Variants in GCGR observed in about 807,000 individuals in gnomAD.
GCGR encodes the protein glucagon receptor.
In GCGR, 41 loss-of-function variants were observed where a neutral mutation model predicts 56.1. The ratio of observed to expected loss-of-function variants is 0.73; its 90% CI spans 0.57 to 0.95. The LOEUF (loss-of-function observed/expected upper bound fraction) is 0.95. GCGR is among the 40% of genes least tolerant of loss of function. The probability of loss-of-function intolerance (pLI) is 0.00; values close to 1 mark genes in which losing one functional copy is unlikely to be tolerated. For synonymous variants in GCGR, 278 were observed against 271.1 expected (o/e 1.03, Z -0.25); for missense variants, 595 against 638.2 (o/e 0.93, Z 0.73).
chr17:81,813,363 G>A lies in GCGR; in HGVS notation c.1219-111G>A, dbSNP rs887603050. 9.3e-7 allele frequency: 1 copy of A among 1,079,544 alleles called. No homozygotes were observed. The highest frequency in any genetic ancestry group is 1.3e-6 in the Non-Finnish European group (1 of 754,614). 66.9% of individuals were successfully genotyped at this position (1,079,544 alleles called of 1,614,324 possible). Reference sequence around the variant, plus strand: ...CCCAGCAGGGAGCTTGTGTCGCTCTGCACCCCTCAGAGCGGAGACTGGGCA... The same window carrying A: ...CCCAGCAGGGAGCTTGTGTCGCTCTACACCCCTCAGAGCGGAGACTGGGCA... On this transcript the variant is annotated intron_variant, in intron 13 of 13. Transcript: ENST00000400723. This position sits in a 1 kb window ranked among gnomAD's most constrained non-coding sequence, Gnocchi z 5.3.
chr17:81,807,974 C>T lies in GCGR; in HGVS notation c.-177-868C>T, dbSNP rs925846345. Among the ~76,000 whole-genome samples the T allele has an allele frequency of 5.9e-5, 9 of 152,314 alleles. No homozygotes were observed. The South Asian group carries it at 1.5e-3, about 25-fold the overall frequency. On this transcript the variant is annotated intron_variant, in intron 1 of 13. Transcript: ENST00000400723. ...CCCTAGGCCAGCTCCTCCTCCAAGT[C>T]GACGCCCGCAGTGCTAACCTCAAAG... is the stretch of plus-strand genomic sequence containing the variant.
At position 81,804,514 on chromosome 17, in the gene GCGR, TG is replaced by T. The variant is rs1421633973; in HGVS notation, c.-178+270del. Among the ~76,000 whole-genome samples, 2 of 151,118 alleles carry T rather than the reference TG, an allele frequency of 1.3e-5. No homozygotes were observed. Among genetic ancestry groups the T allele is most frequent in the East Asian group, 3.9e-4 (2 of 5,098 alleles). On this transcript the variant is annotated intron_variant, in intron 1 of 13. Coordinates refer to ENST00000400723, the MANE Select transcript of GCGR (RefSeq NM_000160.5). This position sits in a 1 kb window ranked among gnomAD's most constrained non-coding sequence, Gnocchi z 8.2. ...GTTCTCTGGTCCTGGGGGGCGCGGC[TG>T]GGGGCGGGGGTGTCGCTGGCCGCCT...
rs1424969656 is a variant in GCGR, at chr17:81,809,743, CTGT to C, written c.61-38_61-36del. The C allele has an allele frequency of 3.6e-6, 5 of 1,381,632 alleles. No individual in the cohort carries two copies. The South Asian group carries it at 3.9e-5, about 11-fold the overall frequency. 85.6% of individuals were successfully genotyped at this position (1,381,632 alleles called of 1,614,324 possible). ...TCTGCCTGTCTGTCTGCCTGCCTGTCTGTCTGTCTGTCTGGTTGCTTGTGCATG... is the reference window on the plus strand; with the variant it reads ...TCTGCCTGTCTGTCTGCCTGCCTGTCCTGTCTGTCTGGTTGCTTGTGCATG... On this transcript the variant is annotated intron_variant, in intron 2 of 13. Transcript: ENST00000400723.
In GCGR at chr17:81,812,138, G is replaced by T. The variant is rs1191428894; in HGVS notation, c.879-45G>T. On this transcript the variant is annotated intron_variant, in intron 9 of 13. Transcript: ENST00000400723. The surrounding 1 kb of genome is among the most constrained non-coding windows in gnomAD (Gnocchi z 8.5). Reference sequence around the variant, plus strand: ...GGGACGGGGGTGCTGAGGGGCGGAGGGGCTGGGGGCTGTGCCCCAGTATGT... The same window carrying T: ...GGGACGGGGGTGCTGAGGGGCGGAGTGGCTGGGGGCTGTGCCCCAGTATGT... 6.5e-7 allele frequency: 1 copy of T among 1,531,924 alleles called. No individual in the cohort carries two copies. Among genetic ancestry groups the T allele is most frequent in the African/African-American group, 1.4e-5 (1 of 73,058 alleles). 94.9% of individuals were successfully genotyped at this position (1,531,924 alleles called of 1,614,324 possible). A position where few individuals can be genotyped will look rare whatever the true frequency, so the allele number is the denominator to read the frequency against.
rs767396707 is a variant in GCGR, at chr17:81,812,615, C to A, written c.987C>A (p.Leu329=). 1 of 1,536,418 alleles carries A rather than the reference C, an allele frequency of 6.5e-7. No homozygotes were observed. Among genetic ancestry groups the A allele is most frequent in the African/African-American group, 1.4e-5 (1 of 73,038 alleles). The part of the protein sequence containing the change: ...FFIFVRIVQL[L]VAKLRARQMH... ...TCTTCGTCCGCATCGTTCAGCTGCT[C>A]GTGGCCAAGCTGCGGGCACGGCAGA... The change falls in exon 11 of 14, where the codon CTC becomes CTA. Residue 329 remains leucine (L), a synonymous_variant. Transcript: ENST00000400723. This position sits in a 1 kb window ranked among gnomAD's most constrained non-coding sequence, Gnocchi z 8.5.
chr17:81,804,986 G>C lies in GCGR; in HGVS notation c.-178+737G>C, dbSNP rs2037923598. The C allele has an allele frequency of 6.6e-6, 1 of 152,642 alleles. No homozygotes were observed. The highest frequency in any genetic ancestry group is 2.4e-5 in the African/African-American group (1 of 41,448). 9.5% of individuals were successfully genotyped at this position (152,642 alleles called of 1,614,324 possible). A position where few individuals can be genotyped will look rare whatever the true frequency, so the allele number is the denominator to read the frequency against. The stretch of plus-strand genomic sequence containing the variant: ...GGGACATCAGGGTTGGGGGGTCTGG[G>C]TGCACCCACGCCTGCCCCGCCCCCA... On this transcript the variant is annotated intron_variant, in intron 1 of 13. Coordinates refer to ENST00000400723, the MANE Select transcript of GCGR (RefSeq NM_000160.5). The surrounding 1 kb of genome is among the most constrained non-coding windows in gnomAD (Gnocchi z 8.2).
At chr17:81,809,400 TGTCTGCCTGTCCGTCTGCCTGCCTGTCC>T (rs1198077674) in intron 2 of GCGR, among the ~76,000 whole-genome samples, 18 of 137,656 alleles carry the variant, frequency 1.3e-4, no homozygotes, top group Admixed American at 9.3e-4. Flanking sequence ...TCCGTCTGCC[TGTCTGCCTGTCCGTCTGCCTGCCTGTCC>T]GTCTGCCTGT....
In GCGR at chr17:81,810,888, C is replaced by T. The variant is rs189736697; in HGVS notation, c.227C>T (p.Thr76Met). The T allele has an allele frequency of 2.1e-3, 3,204 of 1,536,354 alleles. 2 individuals carry two copies. Among genetic ancestry groups the T allele is most frequent in the Non-Finnish European group, 2.6e-3 (2,943 of 1,146,658 alleles). Residue 76 changes from threonine to methionine, a missense_variant, in exon 4 of 14, where the codon ACG becomes ATG. Transcript: ENST00000400723. The surrounding 1 kb of genome is among the most constrained non-coding windows in gnomAD (Gnocchi z 4.6). ...TGGCCGGACACCCCCGCCAATACCA[C>T]GGCCAACATCTCCTGCCCCTGGTAC... ...SCWPDTPANT[T>M]ANISCPWYLP...
Position 81,811,066 on chromosome 17 carries a change from C to A in GCGR, c.328C>A (p.Pro110Thr). ...CGPDGQWVRG[P>T]RGQPWRDASQ... is the part of the protein sequence containing the mutation. ...GCCCGACGGTCAGTGGGTGCGTGGA[C>A]CCCGGGGGCAGCCTTGGCGTGATGC... is the stretch of plus-strand genomic sequence containing the variant. The change falls in exon 5 of 14, where the codon CCC becomes ACC. Residue 110 changes from proline to threonine, a missense_variant. Physicochemically the swap from Pro to Thr is conservative, Grantham distance 38. Transcript: ENST00000400723. The surrounding 1 kb of genome is among the most constrained non-coding windows in gnomAD (Gnocchi z 5.8). The A allele has an allele frequency of 6.5e-7, 1 of 1,536,156 alleles. No homozygotes were observed. The highest frequency in any genetic ancestry group is 8.7e-7 in the Non-Finnish European group (1 of 1,146,826).
At position 81,804,637 on chromosome 17, in the gene GCGR, C is replaced by T. The variant is rs1883764053; in HGVS notation, c.-178+388C>T. Among the ~76,000 whole-genome samples the T allele has an allele frequency of 6.6e-6, 1 of 152,058 alleles. No individual in the cohort carries two copies. The highest frequency in any genetic ancestry group is 2.4e-5 in the African/African-American group (1 of 41,434). ...AGCGCACAAAGCGCCGCGGACGCGT[C>T]CCCGAGGCGCGGGGTCTCACCAGCG... On this transcript the variant is annotated intron_variant, in intron 1 of 13. Transcript: ENST00000400723. The surrounding 1 kb of genome is among the most constrained non-coding windows in gnomAD (Gnocchi z 8.2).
intron 1 of GCGR, among the ~76,000 whole-genome samples, chr17:81,807,129 G>A (rs868806182): frequency 3.3e-5 from 5 of 152,110 alleles, no homozygotes; most frequent in East Asian, 1.9e-4. Flanking sequence ...GGCCCCTTGC[G>A]TGACCCCAGA....
Position 81,813,058 on chromosome 17 carries a change from G to A in GCGR, c.1218+1G>A. 2 of 1,536,078 alleles carry A rather than the reference G, an allele frequency of 1.3e-6. No individual in the cohort carries two copies. Among genetic ancestry groups the A allele is most frequent in the Non-Finnish European group, 8.7e-7 (1 of 1,146,820 alleles). ...CCTCTACTGCTTCCTCAACAAGGAG[G>A]TAGGTGGGAGTGGGGGCATCTGAGA... On this transcript the variant is annotated splice_donor_variant, in intron 13 of 13. Coordinates refer to ENST00000400723, the MANE Select transcript of GCGR (RefSeq NM_000160.5). LOFTEE classifies it high-confidence loss of function. This position sits in a 1 kb window ranked among gnomAD's most constrained non-coding sequence, Gnocchi z 5.3.
Position 81,813,470 on chromosome 17 carries a change from C to A in GCGR, c.1219-4C>A. The A allele has an allele frequency of 6.5e-7, 1 of 1,534,526 alleles. No individual in the cohort carries two copies. Among genetic ancestry groups the A allele is most frequent in the Non-Finnish European group, 8.7e-7 (1 of 1,146,614 alleles). On this transcript the variant is annotated splice_region_variant and splice_polypyrimidine_tract_variant and intron_variant, in intron 13 of 13. Transcript: ENST00000400723. The surrounding 1 kb of genome is among the most constrained non-coding windows in gnomAD (Gnocchi z 5.3). ...GGACTGGCCTGCCCCGTCCCCCTCC[C>A]CAGGTGCAGTCGGAGCTGCGGCGGC... is the stretch of plus-strand genomic sequence containing the variant.
rs1276541979 is a variant in GCGR, at chr17:81,813,369, C to T, written c.1219-105C>T. Reference sequence around the variant, plus strand: ...AGGGAGCTTGTGTCGCTCTGCACCCCTCAGAGCGGAGACTGGGCATCTCCG... The same window carrying T: ...AGGGAGCTTGTGTCGCTCTGCACCCTTCAGAGCGGAGACTGGGCATCTCCG... On this transcript the variant is annotated intron_variant, in intron 13 of 13. Coordinates refer to ENST00000400723, the MANE Select transcript of GCGR (RefSeq NM_000160.5). This position sits in a 1 kb window ranked among gnomAD's most constrained non-coding sequence, Gnocchi z 5.3. The T allele has an allele frequency of 2.7e-6, 3 of 1,124,980 alleles. No homozygotes were observed. The African/African-American group carries it at 4.6e-5, about 17-fold the overall frequency. 69.7% of individuals were successfully genotyped at this position (1,124,980 alleles called of 1,614,324 possible).
chr17:81,810,873 C>T lies in GCGR; in HGVS notation c.212C>T (p.Thr71Ile), dbSNP rs2038078792. The T allele has an allele frequency of 1.3e-6, 2 of 1,536,730 alleles. No homozygotes were observed. Among genetic ancestry groups the T allele is most frequent in the South Asian group, 1.2e-5 (1 of 84,066 alleles). ...TFDKYSCWPD[T>I]PANTTANISC... ...GACAAGTATTCCTGCTGGCCGGACA[C>T]CCCCGCCAATACCACGGCCAACATC... is the stretch of plus-strand genomic sequence containing the variant. Residue 71 changes from threonine to isoleucine, a missense_variant, in exon 4 of 14, where the codon ACC becomes ATC. Physicochemically the swap from Thr to Ile is moderately conservative, Grantham distance 89 (BLOSUM62 -1). Transcript: ENST00000400723. The surrounding 1 kb of genome is among the most constrained non-coding windows in gnomAD (Gnocchi z 4.6).
In GCGR at chr17:81,804,770, G is replaced by A. The variant is rs138135011; in HGVS notation, c.-178+521G>A. Among the ~76,000 whole-genome samples the A allele has an allele frequency of 6.9e-3, 1,049 of 152,230 alleles. 19 individuals carry two copies. The highest frequency in any genetic ancestry group is 0.057 in the South Asian group (275 of 4,830). ...CCCCGCCTGGCCGCTCCTCTTCCGC[G>A]GCCCACACTGGCGACTTTGACCCCG... On this transcript the variant is annotated intron_variant, in intron 1 of 13. Coordinates refer to ENST00000400723, the MANE Select transcript of GCGR (RefSeq NM_000160.5). This position sits in a 1 kb window ranked among gnomAD's most constrained non-coding sequence, Gnocchi z 8.2.
Position 81,804,190 on chromosome 17 carries a change from G to C in GCGR, c.-237G>C, listed in dbSNP as rs2037893457. The C allele has an allele frequency of 2.0e-5, 3 of 151,094 alleles. No individual in the cohort carries two copies. The South Asian group carries it at 6.2e-4, about 31-fold the overall frequency. The allele number at this position is 151,094 out of a possible 1,614,324, so 9.4% of individuals were successfully genotyped here. ...CGAAGACGAGCGGTCACCGGCGCCCGACCCGAGCGCGCCCAGAGGACGGCG... is the reference window on the plus strand; with the variant it reads ...CGAAGACGAGCGGTCACCGGCGCCCCACCCGAGCGCGCCCAGAGGACGGCG... On this transcript the variant is annotated 5_prime_UTR_variant, in exon 1 of 14. Coordinates refer to ENST00000400723, the MANE Select transcript of GCGR (RefSeq NM_000160.5). This position sits in a 1 kb window ranked among gnomAD's most constrained non-coding sequence, Gnocchi z 8.2.
Position 81,810,976 on chromosome 17 carries a change from T to C in GCGR, c.272-34T>C. 1 of 1,396,928 alleles carries C rather than the reference T, an allele frequency of 7.2e-7. No homozygotes were observed. The allele number at this position is 1,396,928 out of a possible 1,614,324, so 86.5% of individuals were successfully genotyped here. A position where few individuals can be genotyped will look rare whatever the true frequency, so the allele number is the denominator to read the frequency against. ...AACTGTGGGGGGGGCGGGCCCAGGG[T>C]GGGGCTGACCCCAGCCTCCCCCCAC... On this transcript the variant is annotated intron_variant, in intron 4 of 13. Coordinates refer to ENST00000400723, the MANE Select transcript of GCGR (RefSeq NM_000160.5). This position sits in a 1 kb window ranked among gnomAD's most constrained non-coding sequence, Gnocchi z 4.6.
chr17:81,812,321 G>C lies in GCGR; in HGVS notation c.948+69G>C. ...CCTTGGCGTCCTGAGGCTGCCCCAGGAGACAGCAGCATCCTGTCTGAGAGC... is the reference window on the plus strand; with the variant it reads ...CCTTGGCGTCCTGAGGCTGCCCCAGCAGACAGCAGCATCCTGTCTGAGAGC... On this transcript the variant is annotated intron_variant, in intron 10 of 13. Coordinates refer to ENST00000400723, the MANE Select transcript of GCGR (RefSeq NM_000160.5). The surrounding 1 kb of genome is among the most constrained non-coding windows in gnomAD (Gnocchi z 8.5). The C allele has an allele frequency of 6.7e-7, 1 of 1,499,780 alleles. No homozygotes were observed. The highest frequency in any genetic ancestry group is 1.2e-5 in the South Asian group (1 of 83,218). The allele number at this position is 1,499,780 out of a possible 1,614,324, so 92.9% of individuals were successfully genotyped here. A position where few individuals can be genotyped will look rare whatever the true frequency, so the allele number is the denominator to read the frequency against.
Sources: gnomAD v4.1 joint callset for allele counts (sites outside exome capture counted in the v4.1 genomes callset) on GRCh38, gnomAD v4.1.1 for gene constraint, Gnocchi (gnomAD v3.1) non-coding constraint, MANE v1.5 for transcripts, NCBI Gene and HGNC (gene_info 2026-07-23, HGNC 2026-07-21) for gene names.